The following PTPRN2 variants were observed in gnomAD, a reference collection of about 807,000 sequenced individuals.
PTPRN2 encodes the protein protein tyrosine phosphatase receptor type N2.
PTPRN2 carries 74 observed loss-of-function variants against 118.8 expected under a neutral mutation model. The observed-to-expected ratio is 0.62, with a 90% CI of 0.52 to 0.76. The LOEUF is 0.76. Among genes scored for constraint, PTPRN2 ranks in the 30% least tolerant of loss-of-function variants. PTPRN2 has a pLI of 0.00. For missense variants in PTPRN2, 1,481 were observed against 1,394.4 expected, an observed-to-expected ratio of 1.06 and a Z score of -0.99; for synonymous variants, 641 against 608.0, an observed-to-expected ratio of 1.05 and a Z score of -0.80.
chr7:157,706,379 C>T (rs1310617447), intron 12 of PTPRN2, among the ~76,000 whole-genome samples: 1 of 151,910 alleles, frequency 6.6e-6, no homozygotes, highest in Non-Finnish European at 1.5e-5. Flanking sequence ...GCACTACATC[C>T]CTCCACGATG....
intron 11 of PTPRN2, among the ~76,000 whole-genome samples, chr7:157,937,126 G>A (rs1245370260): frequency 6.6e-6 from 1 of 152,190 alleles, no homozygotes; most frequent in Admixed American, 6.5e-5. Flanking sequence ...TGAACACCGT[G>A]GGTCTGACAA....
chr7:158,513,513 C>CTAATG (rs1350695187), intron 1 of PTPRN2, among the ~76,000 whole-genome samples: 1 of 152,142 alleles, frequency 6.6e-6, no homozygotes, highest in Non-Finnish European at 1.5e-5. Context: ...AAACTGTGTA[C>CTAATG]TAATGTAGGA....
intron 3 of PTPRN2, among the ~76,000 whole-genome samples, chr7:158,250,432 C>G (rs1375702273): frequency 1.3e-5 from 2 of 152,214 alleles, no homozygotes; most frequent in African/African-American, 4.8e-5. Context: ...TTGCACAGAA[C>G]AGCAAAAGGG....
intron 15 of PTPRN2, among the ~76,000 whole-genome samples, chr7:157,620,327 G>A (rs905895438): frequency 3.3e-5 from 5 of 152,142 alleles, no homozygotes; most frequent in Admixed American, 1.3e-4. Context: ...AGTGCCTCCC[G>A]TGCTGTGGGA....
chr7:157,595,391 G>C (rs1801237947), intron 16 of PTPRN2, 76 bp from the exon 17 acceptor site: 5 of 1,398,056 alleles, frequency 3.6e-6, no homozygotes, highest in Non-Finnish European at 5.0e-6. Flanking sequence ...CTGGAGGTTA[G>C]GAAGCCAGAA....
At chr7:158,238,634 T>C (rs1795707663) in intron 3 of PTPRN2, among the ~76,000 whole-genome samples, 1 of 152,120 alleles carries the variant, frequency 6.6e-6, no homozygotes, top group African/African-American at 2.4e-5. Context: ...TCCCAGGTCA[T>C]GTTATTAAGA....
rs111847685 is a variant in PTPRN2, at chr7:158,235,087, G to C, written c.278-29814C>G. On this transcript the variant is annotated intron_variant, in intron 3 of 22. Transcript: ENST00000389418. ...CAAAATGGCTCTTATTGAAAAGACA[G>C]AAAATAACAAATGGCTGGCACGGAT... is the stretch of plus-strand genomic sequence containing the variant. 2.8e-3 allele frequency among the ~76,000 whole-genome samples: 427 copies of C among 152,322 alleles called. 3 individuals carry two copies. The highest frequency in any genetic ancestry group is 9.9e-3 in the African/African-American group (412 of 41,570).
At chr7:158,418,287 C>T (rs186958069) in intron 2 of PTPRN2, among the ~76,000 whole-genome samples, 3,230 of 150,672 alleles carry the variant, frequency 0.021, 59 homozygotes, top group South Asian at 0.04. Flanking sequence ...TGCTGTAGCT[C>T]TCCGTGTCCT....
chr7:157,872,792 C>T (rs1263159429), intron 12 of PTPRN2, among the ~76,000 whole-genome samples: 1 of 152,236 alleles, frequency 6.6e-6, no homozygotes, highest in Non-Finnish European at 1.5e-5. Context: ...TGTCAGGGCT[C>T]CTGAGAGTTT....
At chr7:158,278,484 A>G (rs979535849) in intron 3 of PTPRN2, among the ~76,000 whole-genome samples, 1 of 152,208 alleles carries the variant, frequency 6.6e-6, no homozygotes, top group Non-Finnish European at 1.5e-5. Flanking sequence ...TCGAACCGGT[A>G]GCAGTGAGCT....
intron 1 of PTPRN2, among the ~76,000 whole-genome samples, chr7:158,533,689 T>G (rs1228395805): frequency 6.6e-6 from 1 of 152,232 alleles, no homozygotes; most frequent in Non-Finnish European, 1.5e-5. Context: ...GCCGTCAATC[T>G]TCCATCAATC....
At position 157,704,210 on chromosome 7, in the gene PTPRN2, T is replaced by C. The variant is rs544709268; in HGVS notation, c.1789-21273A>G. Among the ~76,000 whole-genome samples, 14 of 152,334 alleles carry C rather than the reference T, an allele frequency of 9.2e-5. No homozygotes were observed. In the South Asian group the frequency reaches 2.9e-3, roughly 32 times the overall value. On this transcript the variant is annotated intron_variant, in intron 12 of 22. Transcript: ENST00000389418. ...TGCCCTGTGCCTCAGTTTCTCTCCC[T>C]GAAAATGGGAATAAAATGTACTTGA...
chr7:158,171,296 TATATATACACAC>T lies in PTPRN2; in HGVS notation c.550-4017_550-4006del, dbSNP rs1334509068. Among the ~76,000 whole-genome samples the T allele has an allele frequency of 1.0e-3, 36 of 34,808 alleles. 3 individuals are homozygous for T. Among genetic ancestry groups the T allele is most frequent in the South Asian group, 2.4e-3 (3 of 1,262 alleles). The allele number at this position is 34,808 out of a possible 152,430, so 22.8% of individuals were successfully genotyped here. ...ATATACACACATATATATACACACA[TATATATACACAC>T]ATATATATATATATATATATATATA... On this transcript the variant is annotated intron_variant, in intron 5 of 22. Coordinates refer to ENST00000389418, the MANE Select transcript of PTPRN2 (RefSeq NM_002847.5).
intron 2 of PTPRN2, among the ~76,000 whole-genome samples, chr7:158,319,434 A>C: frequency 1.0e-5 from 1 of 95,492 alleles, no homozygotes; most frequent in African/African-American, 4.8e-5. Context: ...ACACACACAC[A>C]CAGCCTCCCT....
At chr7:157,952,013 C>T (rs1050834903) in intron 11 of PTPRN2, among the ~76,000 whole-genome samples, 7 of 152,368 alleles carry the variant, frequency 4.6e-5, no homozygotes, top group Middle Eastern at 3.4e-3. Flanking sequence ...GCACTGCGTT[C>T]GCTGCCCATC....
chr7:158,174,975 C>G (rs1824051958), intron 5 of PTPRN2, among the ~76,000 whole-genome samples: 1 of 152,186 alleles, frequency 6.6e-6, no homozygotes, highest in Non-Finnish European at 1.5e-5. Context: ...CCACCCAGCC[C>G]AGTCCCAAAG....
chr7:157,631,179 A>G (rs1803917611), intron 14 of PTPRN2, among the ~76,000 whole-genome samples: 1 of 152,178 alleles, frequency 6.6e-6, no homozygotes, highest in African/African-American at 2.4e-5. Flanking sequence ...GTTACCAATC[A>G]AACTGTGGAG....
intron 3 of PTPRN2, among the ~76,000 whole-genome samples, chr7:158,226,673 CTTTTT>C (rs757950532): frequency 1.9e-5 from 2 of 106,374 alleles, no homozygotes; most frequent in Admixed American, 9.1e-5. Context: ...CAGCGCTTCC[CTTTTT>C]TTTTTTTTTT....
At chr7:158,479,262 T>G (rs973515267) in intron 2 of PTPRN2, among the ~76,000 whole-genome samples, 6 of 151,950 alleles carry the variant, frequency 3.9e-5, no homozygotes, top group Non-Finnish European at 8.8e-5. Flanking sequence ...CAGCCTGGAC[T>G]TTCTGTGAGC....
Sources: gnomAD v4.1 joint callset for allele counts (sites outside exome capture counted in the v4.1 genomes callset) on GRCh38, gnomAD v4.1.1 for gene constraint, MANE v1.5 for transcripts, NCBI Gene and HGNC (gene_info 2026-07-23, HGNC 2026-07-21) for gene names.